Variants in CERKL observed in about 807,000 individuals in gnomAD.
CERKL encodes ceramide kinase-like protein.
Under a neutral mutation model 63.4 loss-of-function variants are expected in CERKL, and 61 were observed. The observed-to-expected ratio is 0.96, with a 90% CI of 0.78 to 1.19. The LOEUF (loss-of-function observed/expected upper bound fraction) is 1.19. Among genes scored for constraint, CERKL ranks in the 50% most tolerant of loss-of-function variants. The pLI is 0.00. For synonymous variants in CERKL, 250 were observed against 230.5 expected (o/e 1.08, Z -0.77); for missense variants, 675 against 655.5 (o/e 1.03, Z -0.33).
chr2:181,542,442 T>C (rs185351371), intron 11 of CERKL, among the ~76,000 whole-genome samples: 23 of 152,326 alleles, frequency 1.5e-4, no homozygotes, highest in African/African-American at 5.1e-4. Context: ...TTTACATAGA[T>C]CTGATTTTCA....
chr2:181,579,566 A>C (rs1425959772), intron 2 of CERKL, among the ~76,000 whole-genome samples: 2 of 151,940 alleles, frequency 1.3e-5, no homozygotes, highest in African/African-American at 4.8e-5. Flanking sequence ...TGCCTTAATA[A>C]CTTATGTTTT....
chr2:181,584,728 T>TA (rs956894529), intron 2 of CERKL, among the ~76,000 whole-genome samples: 1 of 151,714 alleles, frequency 6.6e-6, no homozygotes, highest in Non-Finnish European at 1.5e-5. Flanking sequence ...CACTCATATA[T>TA]ACACCACTCT....
chr2:181,627,367 TGA>T (rs944912770), intron 1 of CERKL, among the ~76,000 whole-genome samples: 52 of 152,046 alleles, frequency 3.4e-4, no homozygotes, highest in African/African-American at 1.2e-3. Context: ...ACATAGAAAT[TGA>T]GAGATACAGA....
chr2:181,582,118 GA>G (rs1478895945), intron 2 of CERKL, among the ~76,000 whole-genome samples: 2 of 152,106 alleles, frequency 1.3e-5, no homozygotes, highest in South Asian at 4.1e-4. Context: ...ACCAAACTCT[GA>G]ACCACTGTCC....
chr2:181,652,125 C>T (rs929171425), intron 1 of CERKL, among the ~76,000 whole-genome samples: 6 of 152,144 alleles, frequency 3.9e-5, no homozygotes, highest in Middle Eastern at 3.4e-3. Flanking sequence ...AATACCAACA[C>T]CATTCTTTAC....
chr2:181,609,375 A>G (rs1341498102), intron 1 of CERKL, among the ~76,000 whole-genome samples: 1 of 150,720 alleles, frequency 6.6e-6, no homozygotes, highest in African/African-American at 2.4e-5. Flanking sequence ...CTTGGAATAA[A>G]TATATTACAG....
rs1051938158 is a variant in CERKL, at chr2:181,537,771, C to A, written c.*413G>T. The A allele has an allele frequency of 2.2e-6, 1 of 449,540 alleles. No individual in the cohort carries two copies. Among genetic ancestry groups the A allele is most frequent in the South Asian group, 1.6e-5 (1 of 62,370 alleles). 27.8% of individuals were successfully genotyped at this position (449,540 alleles called of 1,614,324 possible). A position where few individuals can be genotyped will look rare whatever the true frequency, so the allele number is the denominator to read the frequency against. On this transcript the variant is annotated 3_prime_UTR_variant, in exon 13 of 13. Transcript: ENST00000410087. Reference sequence around the variant, plus strand: ...AAGAATTTGAATTGATATCTAAAAACAGAATTTGAATTGATATTTCATCTT... The same window carrying A: ...AAGAATTTGAATTGATATCTAAAAAAAGAATTTGAATTGATATTTCATCTT...
intron 2 of CERKL, among the ~76,000 whole-genome samples, chr2:181,596,809 CTT>C (rs1685230624): frequency 6.6e-6 from 1 of 152,092 alleles, no homozygotes; most frequent in Admixed American, 6.6e-5. Flanking sequence ...CCTGGAGAGA[CTT>C]TTAAAGAAAG....
chr2:181,652,726 G>C (rs1431098230), intron 1 of CERKL, among the ~76,000 whole-genome samples: 1 of 150,632 alleles, frequency 6.6e-6, no homozygotes, highest in Non-Finnish European at 1.5e-5. Flanking sequence ...GCGACAAAGG[G>C]ATAAAATCCA....
chr2:181,609,432 AC>A (rs971578768), intron 1 of CERKL, among the ~76,000 whole-genome samples: 35 of 150,676 alleles, frequency 2.3e-4, no homozygotes, highest in Admixed American at 4.0e-4. Flanking sequence ...ACAGTGGCTC[AC>A]ACCTGTAATC....
chr2:181,587,029 T>A (rs1426672541), intron 2 of CERKL, among the ~76,000 whole-genome samples: 1 of 152,212 alleles, frequency 6.6e-6, no homozygotes, highest in Non-Finnish European at 1.5e-5. Flanking sequence ...AATATTAAAC[T>A]ATGCCCAGTT....
At chr2:181,630,403 G>A (rs528386354) in intron 1 of CERKL, among the ~76,000 whole-genome samples, 130 of 152,280 alleles carry the variant, frequency 8.5e-4, no homozygotes, top group Non-Finnish European at 1.3e-3. Flanking sequence ...AGCAAATCAC[G>A]TGTTATGGAC....
Position 181,548,760 on chromosome 2 carries a change from C to T in CERKL, c.993G>A (p.Leu331=), listed in dbSNP as rs2105803916. The change falls in exon 7 of 13, where the codon TTG becomes TTA. Residue 331 remains leucine (L), a synonymous_variant. Coordinates refer to ENST00000410087, the MANE Select transcript of CERKL (RefSeq NM_201548.5). ...SAMFGFGGRT[L]ALAEKYRWMS... ...TCCATCGATATTTTTCTGCCAGAGC[C>T]AAAGTTCTTCCACCAAAGCCAAACA... The T allele has an allele frequency of 6.2e-7, 1 of 1,613,910 alleles. No individual in the cohort carries two copies. Among genetic ancestry groups the T allele is most frequent in the East Asian group, 2.2e-5 (1 of 44,862 alleles).
intron 6 of CERKL, among the ~76,000 whole-genome samples, chr2:181,549,202 C>T (rs1228411037): frequency 1.3e-5 from 2 of 152,024 alleles, no homozygotes; most frequent in African/African-American, 4.8e-5. Flanking sequence ...TGCTTTTTAC[C>T]AATAGGGATA....
At chr2:181,582,058 CA>C (rs1398924323) in intron 2 of CERKL, among the ~76,000 whole-genome samples, 1 of 152,100 alleles carries the variant, frequency 6.6e-6, no homozygotes, top group Admixed American at 6.6e-5. Flanking sequence ...GTATACTTTC[CA>C]CCTCATACAT....
intron 1 of CERKL, among the ~76,000 whole-genome samples, chr2:181,637,547 G>C (rs1054237827): frequency 2.6e-5 from 4 of 151,952 alleles, no homozygotes; most frequent in Admixed American, 2.0e-4. Flanking sequence ...GGTACTGTGG[G>C]GGTAATGAAA....
At chr2:181,642,898 A>C (rs1687506900) in intron 1 of CERKL, among the ~76,000 whole-genome samples, 1 of 152,216 alleles carries the variant, frequency 6.6e-6, no homozygotes, top group Non-Finnish European at 1.5e-5. Flanking sequence ...GCCTCAACCA[A>C]TTCTTTTCCT....
chr2:181,650,803 C>T (rs1352907563), intron 1 of CERKL, among the ~76,000 whole-genome samples: 2 of 151,444 alleles, frequency 1.3e-5, no homozygotes, highest in African/African-American at 4.8e-5. Context: ...ACAAACTAAT[C>T]CCAAAGTTGG....
At chr2:181,634,968 C>T (rs10497582) in intron 1 of CERKL, among the ~76,000 whole-genome samples, 7,122 of 152,224 alleles carry the variant, frequency 0.047, 530 homozygotes, top group African/African-American at 0.16. Context: ...GCTAATTAAA[C>T]ATTACTGACT....
Sources: allele counts gnomAD v4.1 joint callset (sites outside exome capture counted in the v4.1 genomes callset), GRCh38; gene constraint gnomAD v4.1.1; transcripts MANE v1.5; gene names NCBI Gene and HGNC (gene_info 2026-07-23, HGNC 2026-07-21).